The following SPMAP2L variants were observed in gnomAD, a reference collection of about 807,000 sequenced individuals.
The protein encoded by SPMAP2L is sperm microtubule associated protein 2 like, also known as sperm microtubule associated protein 2-like.
the SPMAP2L span, among the ~76,000 whole-genome samples, chr4:56,599,249 C>G: frequency 6.6e-6 from 1 of 152,104 alleles, no homozygotes; most frequent in Non-Finnish European, 1.5e-5. Flanking sequence ...GTGGTGCTAT[C>G]ACAGCTTATT....
the SPMAP2L span, among the ~76,000 whole-genome samples, chr4:56,614,938 T>TC: frequency 2.0e-5 from 3 of 152,244 alleles, no homozygotes; most frequent in East Asian, 5.8e-4. Flanking sequence ...CATTTACACC[T>TC]CAGCATGGAT....
At chr4:56,592,214 G>C in the SPMAP2L span, among the ~76,000 whole-genome samples, 2 of 152,254 alleles carry the variant, frequency 1.3e-5, no homozygotes, top group Admixed American at 1.3e-4. Context: ...TATCCAAGTT[G>C]GAACAGTTTC....
At chr4:56,545,058 T>C in the SPMAP2L span, among the ~76,000 whole-genome samples, 3 of 152,116 alleles carry the variant, frequency 2.0e-5, no homozygotes, top group Admixed American at 1.3e-4. Flanking sequence ...GCGGCCGGGC[T>C]ACTGACATTT....
chr4:56,555,825 A>G, the SPMAP2L span, among the ~76,000 whole-genome samples: 2 of 152,150 alleles, frequency 1.3e-5, no homozygotes, highest in African/African-American at 4.8e-5. Context: ...CAACTTTGCT[A>G]TGCTCTAAAG....
At chr4:56,539,311 T>C in the SPMAP2L span, among the ~76,000 whole-genome samples, 1,947 of 152,348 alleles carry the variant, frequency 0.013, 34 homozygotes, top group African/African-American at 0.045. Context: ...TGAATATATC[T>C]ACAACAATAA....
At chr4:56,587,394 G>A in the SPMAP2L span, among the ~76,000 whole-genome samples, 2 of 152,034 alleles carry the variant, frequency 1.3e-5, no homozygotes, top group African/African-American at 4.8e-5. Context: ...GTGGTGATTT[G>A]TGAGATTTTG....
the SPMAP2L span, among the ~76,000 whole-genome samples, chr4:56,618,155 C>T: frequency 6.6e-6 from 1 of 152,186 alleles, no homozygotes; most frequent in Non-Finnish European, 1.5e-5. Flanking sequence ...CCAGTGATCA[C>T]ACCCTCCTCT....
At chr4:56,575,522 G>A in the SPMAP2L span, 59 of 1,535,424 alleles carry the variant, frequency 3.8e-5, no homozygotes, top group African/African-American at 6.7e-4. Flanking sequence ...TACTACCACA[G>A]CTGTGGAAGA....
the SPMAP2L span, chr4:56,596,542 A>G: frequency 2.0e-6 from 3 of 1,533,000 alleles, no homozygotes; most frequent in Non-Finnish European, 2.6e-6. Context: ...TGCGATTGCA[A>G]CTCCAAGAAT....
the SPMAP2L span, among the ~76,000 whole-genome samples, chr4:56,581,653 T>A: frequency 6.6e-6 from 1 of 152,100 alleles, no homozygotes; most frequent in Non-Finnish European, 1.5e-5. Flanking sequence ...GCTTCCTTTT[T>A]TTCATAGAAA....
the SPMAP2L span, among the ~76,000 whole-genome samples, chr4:56,602,671 G>T: frequency 6.6e-6 from 1 of 152,178 alleles, no homozygotes; most frequent in Non-Finnish European, 1.5e-5. Flanking sequence ...CTCCAGCCTG[G>T]GTGACAGAGT....
chr4:56,537,852 C>T, the SPMAP2L span, among the ~76,000 whole-genome samples: 3 of 152,052 alleles, frequency 2.0e-5, no homozygotes, highest in Non-Finnish European at 4.4e-5. Flanking sequence ...GCCACCACGC[C>T]CGGCTAATTT....
the SPMAP2L span, among the ~76,000 whole-genome samples, chr4:56,599,300 C>T: frequency 9.9e-5 from 15 of 152,252 alleles, no homozygotes; most frequent in African/African-American, 3.6e-4. Context: ...CCTCCCACTT[C>T]AGCCTCCTGA....
At chr4:56,531,169 G>A in the SPMAP2L span, 2 of 1,526,454 alleles carry the variant, frequency 1.3e-6, no homozygotes, top group East Asian at 2.5e-5. Flanking sequence ...TTTCCTGGGT[G>A]GTAGGTGTTC....
chr4:56,612,502 T>C, the SPMAP2L span, among the ~76,000 whole-genome samples: 2 of 152,062 alleles, frequency 1.3e-5, no homozygotes, highest in African/African-American at 4.8e-5. Flanking sequence ...AATTTTTGTA[T>C]ATTTAATAGA....
At chr4:56,587,240 G>A in the SPMAP2L span, among the ~76,000 whole-genome samples, 1 of 151,690 alleles carries the variant, frequency 6.6e-6, no homozygotes, top group Non-Finnish European at 1.5e-5. Context: ...AAAAACAATT[G>A]TACTTTATCC....
the SPMAP2L span, chr4:56,575,384 A>T: frequency 8.7e-7 from 1 of 1,143,356 alleles, no homozygotes; most frequent in Non-Finnish European, 1.2e-6. Context: ...TGGAAAATAG[A>T]TCATCAATAA....
chr4:56,608,039 G>C, the SPMAP2L span, among the ~76,000 whole-genome samples: 1 of 150,158 alleles, frequency 6.7e-6, no homozygotes, highest in Non-Finnish European at 1.5e-5. Context: ...AATATGGACA[G>C]TAAAGGCCAT....
chr4:56,600,058 G>A, the SPMAP2L span, among the ~76,000 whole-genome samples: 4 of 150,576 alleles, frequency 2.7e-5, no homozygotes, highest in African/African-American at 9.8e-5. Flanking sequence ...CACTGTTGGT[G>A]GGAATGTAAA....
Sources: gnomAD v4.1 joint callset for allele counts (sites outside exome capture counted in the v4.1 genomes callset) on GRCh38, gnomAD v4.1.1 for gene constraint, MANE v1.5 for transcripts, NCBI Gene and HGNC (gene_info 2026-07-23, HGNC 2026-07-21) for gene names.